Variants in HRH2 observed in about 807,000 individuals in gnomAD.
HRH2 encodes the protein histamine H2 receptor.
HRH2 carries 4 observed loss-of-function variants against 20.1 expected under a neutral mutation model. The ratio of observed to expected loss-of-function variants is 0.20; its 90% confidence interval spans 0.10 to 0.45. HRH2 has a LOEUF of 0.45. HRH2 is among the 20% of genes least tolerant of loss of function. The pLI is 0.99. For synonymous variants in HRH2, 197 were observed against 200.7 expected (o/e 0.98, Z 0.16); for missense variants, 250 against 461.6 (o/e 0.54, Z 4.20).
At chr5:175,690,947 C>CTT (rs1385432149) in intron 2 of HRH2, among the ~76,000 whole-genome samples, 10 of 152,198 alleles carry the variant, frequency 6.6e-5, no homozygotes, top group African/African-American at 2.4e-4. Context: ...TTCTTCCATC[C>CTT]TTTTTGCTGT....
intron 1 of HRH2, among the ~76,000 whole-genome samples, chr5:175,674,498 A>G (rs1385377864): frequency 6.7e-6 from 1 of 149,604 alleles, no homozygotes; most frequent in Non-Finnish European, 1.5e-5. Context: ...TAAAGTGTCC[A>G]CTCTGACCCC....
intron 1 of HRH2, among the ~76,000 whole-genome samples, chr5:175,674,603 A>G (rs763835967): frequency 3.3e-5 from 5 of 152,054 alleles, no homozygotes; most frequent in African/African-American, 7.3e-5. Flanking sequence ...CCTGCCCCCA[A>G]TTCCAAATTC....
intron 1 of HRH2, among the ~76,000 whole-genome samples, chr5:175,678,987 C>G (rs1369115272): frequency 2.0e-5 from 3 of 152,194 alleles, no homozygotes; most frequent in Admixed American, 6.5e-5. Flanking sequence ...GGTTTTCTAA[C>G]TGCATGCATA....
intron 1 of HRH2, among the ~76,000 whole-genome samples, chr5:175,678,961 A>G (rs1157307879): frequency 6.6e-6 from 1 of 152,150 alleles, no homozygotes; most frequent in Non-Finnish European, 1.5e-5. Flanking sequence ...GCTTTTCTAG[A>G]TGGTCTCGCC....
intron 2 of HRH2, among the ~76,000 whole-genome samples, chr5:175,700,977 G>A (rs1013931334): frequency 2.0e-5 from 3 of 152,204 alleles, no homozygotes; most frequent in African/African-American, 7.2e-5. Flanking sequence ...ACAAAAATCT[G>A]TGCAAAAGCA....
chr5:175,692,828 C>T (rs1001147483), intron 2 of HRH2, among the ~76,000 whole-genome samples: 3 of 152,180 alleles, frequency 2.0e-5, no homozygotes, highest in Admixed American at 2.0e-4. Flanking sequence ...AACCCCCCAA[C>T]TGTGTTGTGT....
chr5:175,666,668 C>T (rs773059929), intron 1 of HRH2, among the ~76,000 whole-genome samples: 1 of 152,094 alleles, frequency 6.6e-6, no homozygotes, highest in East Asian at 1.9e-4. Flanking sequence ...TGGGCTCAAG[C>T]GATCCACCCG....
intron 1 of HRH2, among the ~76,000 whole-genome samples, chr5:175,662,403 G>A (rs560407366): frequency 6.6e-6 from 1 of 152,152 alleles, no homozygotes; most frequent in East Asian, 1.9e-4. Context: ...CAATACACGG[G>A]ACAGCCCTCA....
At position 175,677,654 on chromosome 5, in the gene HRH2, G is replaced by T. The variant is rs533724459; in HGVS notation, c.-525-5055G>T. ...GGCTGCTCCTTGGGTGCTGATGCTG[G>T]GGCCACTTCCTGATACCCTCAGGAG... On this transcript the variant is annotated intron_variant, in intron 1 of 2. Coordinates refer to ENST00000636584, the MANE Select transcript of HRH2 (RefSeq NM_001367711.1). The surrounding 1 kb of genome is among the most constrained non-coding windows in gnomAD (Gnocchi z 4.2). Among the ~76,000 whole-genome samples, 7 of 152,288 alleles carry T rather than the reference G, an allele frequency of 4.6e-5. No individual in the cohort carries two copies. The East Asian group carries it at 7.7e-4, about 17-fold the overall frequency.
In HRH2 at chr5:175,681,275, A is replaced by G. The variant is rs1377027464; in HGVS notation, c.-525-1434A>G. 6.6e-6 allele frequency among the ~76,000 whole-genome samples: 1 copy of G among 152,238 alleles called. No homozygotes were observed. Among genetic ancestry groups the G allele is most frequent in the Non-Finnish European group, 1.5e-5 (1 of 68,046 alleles). On this transcript the variant is annotated intron_variant, in intron 1 of 2. Transcript: ENST00000636584. The surrounding 1 kb of genome is among the most constrained non-coding windows in gnomAD (Gnocchi z 4.3). The stretch of plus-strand genomic sequence containing the variant: ...TGGCTGAGCCAGGGAGCGTGGCAGA[A>G]GGTGATCGGGAACCCTGATCCCTGC...
In HRH2 at chr5:175,683,293, C is replaced by A; in HGVS notation, c.60C>A (p.Thr20=). The A allele has an allele frequency of 6.2e-7, 1 of 1,614,170 alleles. No homozygotes were observed. The highest frequency in any genetic ancestry group is 8.5e-7 in the Non-Finnish European group (1 of 1,180,038). The change falls in exon 2 of 3, where the codon ACC becomes ACA. Residue 20 remains threonine, a synonymous_variant. Transcript: ENST00000636584. ...TGGACTCTACCGCATGCAAGATCAC[C>A]ATCACCGTGGTCCTTGCGGTCCTCA... The part of the protein sequence containing the change: ...FCLDSTACKI[T]ITVVLAVLIL...
At chr5:175,689,067 C>T (rs1756274786) in intron 2 of HRH2, among the ~76,000 whole-genome samples, 1 of 152,210 alleles carries the variant, frequency 6.6e-6, no homozygotes, top group Non-Finnish European at 1.5e-5. Context: ...TCCAGCTCTT[C>T]TTCTGTCCCT....
chr5:175,673,264 C>T (rs553184553), intron 1 of HRH2, among the ~76,000 whole-genome samples: 9 of 152,014 alleles, frequency 5.9e-5, no homozygotes, highest in South Asian at 2.1e-4. Flanking sequence ...TGCATGTGCG[C>T]GTTTCACAGG....
In HRH2 at chr5:175,677,794, G is replaced by T. The variant is rs574444795; in HGVS notation, c.-525-4915G>T. Among the ~76,000 whole-genome samples the T allele has an allele frequency of 6.6e-6, 1 of 152,322 alleles. No homozygotes were observed. Among genetic ancestry groups the T allele is most frequent in the East Asian group, 1.9e-4 (1 of 5,182 alleles). ...AGCCACCTGCTCCGGCCCACCCCCA[G>T]CTGCCACACCCTCGAATCCTGATCT... On this transcript the variant is annotated intron_variant, in intron 1 of 2. Transcript: ENST00000636584. The surrounding 1 kb of genome is among the most constrained non-coding windows in gnomAD (Gnocchi z 4.2).
chr5:175,687,920 C>A lies in HRH2; in HGVS notation c.1076+3611C>A, dbSNP rs114717001. Among the ~76,000 whole-genome samples the A allele has an allele frequency of 0.015, 2,275 of 152,324 alleles. 59 individuals carry two copies. Among genetic ancestry groups the A allele is most frequent in the African/African-American group, 0.052 (2,168 of 41,572 alleles). On this transcript the variant is annotated intron_variant, in intron 2 of 2. Transcript: ENST00000636584. This position sits in a 1 kb window ranked among gnomAD's most constrained non-coding sequence, Gnocchi z 5.2. ...TGGCCAAACACAACACACGTTATTC[C>A]GTTGCAGTTCAGGAGGCCAGATGTC...
chr5:175,676,937 T>C (rs1755780280), intron 1 of HRH2, among the ~76,000 whole-genome samples: 1 of 152,248 alleles, frequency 6.6e-6, no homozygotes, highest in Non-Finnish European at 1.5e-5. Context: ...CTGAATGGTA[T>C]TCCATTTTGT....
intron 2 of HRH2, among the ~76,000 whole-genome samples, chr5:175,696,129 C>T (rs1034147292): frequency 3.9e-5 from 6 of 152,260 alleles, no homozygotes; most frequent in Non-Finnish European, 5.9e-5. Context: ...CATTGAGAAT[C>T]ACCTGTGTGT....
rs1755980029 is a variant in HRH2 at position 175,681,678 on chromosome 5, A to G, written c.-525-1031A>G. On this transcript the variant is annotated intron_variant, in intron 1 of 2. Coordinates refer to ENST00000636584, the MANE Select transcript of HRH2 (RefSeq NM_001367711.1). This position sits in a 1 kb window ranked among gnomAD's most constrained non-coding sequence, Gnocchi z 4.3. ...GACGTAGTGTTTGCACTACTTCAAT[A>G]GTGCAAAGGGAGGAAGGGAGGAAGG... Among the ~76,000 whole-genome samples the G allele has an allele frequency of 6.6e-6, 1 of 152,232 alleles. No homozygotes were observed. Among genetic ancestry groups the G allele is most frequent in the Non-Finnish European group, 1.5e-5 (1 of 68,030 alleles).
intron 1 of HRH2, among the ~76,000 whole-genome samples, chr5:175,675,111 T>A (rs6884753): frequency 2.6e-5 from 4 of 152,228 alleles, no homozygotes; most frequent in African/African-American, 9.6e-5. Context: ...TCCTTAATTT[T>A]GCTAAGCCTC....
Sources: allele counts gnomAD v4.1 joint callset (sites outside exome capture counted in the v4.1 genomes callset), GRCh38; gene constraint gnomAD v4.1.1; non-coding constraint Gnocchi (gnomAD v3.1); transcripts MANE v1.5; gene names NCBI Gene and HGNC (gene_info 2026-07-23, HGNC 2026-07-21).